CYP3A7: variants seen among roughly 807,000 people sequenced by gnomAD.
CYP3A7 encodes cytochrome P450 family 3 subfamily A member 7, also known as cytochrome P450 3A7.
CYP3A7 carries 45 observed loss-of-function variants against 55.2 expected under a neutral mutation model. The observed-to-expected ratio is 0.82, with a 90% confidence interval of 0.64 to 1.05. CYP3A7 has a LOEUF of 1.05. CYP3A7 is among the 50% of genes least tolerant of loss of function. The pLI is 0.00. For synonymous variants in CYP3A7, 180 were observed against 207.4 expected (o/e 0.87, Z 1.13); for missense variants, 548 against 605.3 (o/e 0.91, Z 0.99).
At position 99,725,494 on chromosome 7, in the gene CYP3A7, A is replaced by G. The variant is rs573758688; in HGVS notation, c.166-3146T>C. On this transcript the variant is annotated intron_variant, in intron 2 of 12. Transcript: ENST00000336374. ...ACAAAACCTTCAGAACATCCAAGCC[A>G]CAGCTCCCAGGGGCTCCTTCAAAAC... Among the ~76,000 whole-genome samples, 38 of 152,326 alleles carry G rather than the reference A, an allele frequency of 2.5e-4. 1 individual carries two copies. The South Asian group carries it at 7.7e-3, about 31-fold the overall frequency.
intron 11 of CYP3A7, among the ~76,000 whole-genome samples, chr7:99,708,390 T>C (rs1260201270): frequency 6.6e-6 from 1 of 152,122 alleles, no homozygotes; most frequent in East Asian, 1.9e-4. Context: ...TTCAAAATTG[T>C]TATTTTGCAC....
At chr7:99,725,749 C>T (rs1814386724) in intron 2 of CYP3A7, among the ~76,000 whole-genome samples, 1 of 152,196 alleles carries the variant, frequency 6.6e-6, no homozygotes, top group South Asian at 2.1e-4. Context: ...ACTGATGCTA[C>T]CCGATCACCT....
intron 9 of CYP3A7, among the ~76,000 whole-genome samples, chr7:99,711,710 G>T (rs182291057): frequency 6.6e-5 from 10 of 152,318 alleles, no homozygotes; most frequent in Admixed American, 1.3e-4. Context: ...TGAGGTTGTG[G>T]TGAGCTGAGA....
chr7:99,708,105 G>A, intron 11 of CYP3A7, 131 bp from the exon 12 acceptor site: 1 of 1,271,704 alleles, frequency 7.9e-7, no homozygotes, highest in Non-Finnish European at 1.1e-6. Context: ...GCTAGTCACT[G>A]AAATCCTGCT....
Position 99,709,477 on chromosome 7 carries a change from T to C in CYP3A7, c.1027-216A>G, listed in dbSNP as rs117779248. ...GAGGAGTTATGAAAGCAGGAGACATTCGGGAAGGCTCTAACCCCAATGACT... is the reference window on the plus strand; with the variant it reads ...GAGGAGTTATGAAAGCAGGAGACATCCGGGAAGGCTCTAACCCCAATGACT... On this transcript the variant is annotated intron_variant, in intron 10 of 12. Transcript: ENST00000336374. 1.5e-3 allele frequency among the ~76,000 whole-genome samples: 221 copies of C among 152,250 alleles called. 1 individual carries two copies. The highest frequency in any genetic ancestry group is 3.4e-3 in the Middle Eastern group (1 of 294).
At chr7:99,719,959 T>C (rs750245606) in intron 4 of CYP3A7, among the ~76,000 whole-genome samples, 6 of 152,178 alleles carry the variant, frequency 3.9e-5, no homozygotes, top group African/African-American at 4.8e-5. Context: ...ACCACACCAC[T>C]GTACTCCCAT....
At chr7:99,731,629 A>G (rs192526823) in intron 1 of CYP3A7, among the ~76,000 whole-genome samples, 193 of 152,316 alleles carry the variant, frequency 1.3e-3, no homozygotes, top group African/African-American at 4.4e-3. Context: ...CTGAGAGCCT[A>G]TGGTGACCCT....
chr7:99,735,082 G>A lies in CYP3A7; in HGVS notation c.12C>T (p.Ile4=). The change falls in exon 1 of 13, where the codon ATC becomes ATT. Residue 4 remains isoleucine, a synonymous_variant. Coordinates refer to ENST00000336374, the MANE Select transcript of CYP3A7 (RefSeq NM_000765.5). MDL[I]PNLAVETWLL... ...GCCAGGTTTCCACGGCCAAGTTTGG[G>A]ATGAGATCCATCACTACTTTCCTTC... is the stretch of plus-strand genomic sequence containing the variant. 6.2e-7 allele frequency: 1 copy of A among 1,614,060 alleles called. No homozygotes were observed. The highest frequency in any genetic ancestry group is 8.5e-7 in the Non-Finnish European group (1 of 1,179,950).
Position 99,713,650 on chromosome 7 carries a change from A to G in CYP3A7, c.799-115T>C. On this transcript the variant is annotated intron_variant, in intron 8 of 12. Coordinates refer to ENST00000336374, the MANE Select transcript of CYP3A7 (RefSeq NM_000765.5). Reference sequence around the variant, plus strand: ...GAATATAGCCCCTTGGAGACCAGAAATCTGATGGGTGTTGCCTGAGTCACC... The same window carrying G: ...GAATATAGCCCCTTGGAGACCAGAAGTCTGATGGGTGTTGCCTGAGTCACC... The G allele has an allele frequency of 2.1e-6, 3 of 1,401,292 alleles. No individual in the cohort carries two copies. The South Asian group carries it at 3.6e-5, about 17-fold the overall frequency. The allele number at this position is 1,401,292 out of a possible 1,614,324, so 86.8% of individuals were successfully genotyped here.
chr7:99,726,070 C>A (rs1183850310), intron 2 of CYP3A7, among the ~76,000 whole-genome samples: 1 of 152,160 alleles, frequency 6.6e-6, no homozygotes, highest in African/African-American at 2.4e-5. Flanking sequence ...TCTGACTATT[C>A]CTGGACTACA....
At chr7:99,710,624 A>G (rs1813711393) in intron 10 of CYP3A7, 108 bp downstream of exon 10, 1 of 1,574,212 alleles carries the variant, frequency 6.4e-7, no homozygotes, top group African/African-American at 1.4e-5. Flanking sequence ...ATTGTGAATG[A>G]AACAATCATG....
At chr7:99,724,935 G>A (rs1563026637) in intron 2 of CYP3A7, among the ~76,000 whole-genome samples, 2 of 152,116 alleles carry the variant, frequency 1.3e-5, no homozygotes, top group Non-Finnish European at 2.9e-5. Flanking sequence ...GAGCAGGAAA[G>A]AGTTGATACC....
In CYP3A7 at chr7:99,714,547, C is replaced by T. The variant is rs751611088; in HGVS notation, c.798+8G>A. On this transcript the variant is annotated splice_region_variant and intron_variant, in intron 8 of 12. Coordinates refer to ENST00000336374, the MANE Select transcript of CYP3A7 (RefSeq NM_000765.5). ...AAACATCCTCCTATAACTACCACCACGTTTTACCTTTTGTGTCTCTTTGAG... is the reference window on the plus strand; with the variant it reads ...AAACATCCTCCTATAACTACCACCATGTTTTACCTTTTGTGTCTCTTTGAG... The T allele has an allele frequency of 3.8e-5, 61 of 1,612,226 alleles. No homozygotes were observed. Among genetic ancestry groups the T allele is most frequent in the South Asian group, 2.3e-4 (21 of 91,004 alleles).
chr7:99,730,136 G>A (rs957227157), intron 2 of CYP3A7, among the ~76,000 whole-genome samples: 2 of 152,112 alleles, frequency 1.3e-5, no homozygotes, highest in Non-Finnish European at 2.9e-5. Context: ...CAGGGACCAG[G>A]CCCTGAACAC....
chr7:99,723,484 C>T lies in CYP3A7; in HGVS notation c.166-1136G>A, dbSNP rs757322857. Reference sequence around the variant, plus strand: ...CTATCTCCCTTTGCAGACTCCTTTTCGGACTCAGTCAGCCTGCACCCAGGT... The same window carrying T: ...CTATCTCCCTTTGCAGACTCCTTTTTGGACTCAGTCAGCCTGCACCCAGGT... On this transcript the variant is annotated intron_variant, in intron 2 of 12. Coordinates refer to ENST00000336374, the MANE Select transcript of CYP3A7 (RefSeq NM_000765.5). Among the ~76,000 whole-genome samples the T allele has an allele frequency of 4.6e-5, 7 of 152,276 alleles. No individual in the cohort carries two copies. The Middle Eastern group carries it at 0.01, about 222-fold the overall frequency.
chr7:99,734,626 CTT>C (rs559186958), intron 1 of CYP3A7, among the ~76,000 whole-genome samples: 5 of 140,848 alleles, frequency 3.5e-5, no homozygotes, highest in Non-Finnish European at 4.7e-5. Context: ...TTTTTTTTCT[CTT>C]TTTTTTTTTT....
intron 12 of CYP3A7, among the ~76,000 whole-genome samples, chr7:99,707,607 G>A (rs988737557): frequency 2.0e-5 from 3 of 152,166 alleles, no homozygotes; most frequent in Admixed American, 1.3e-4. Flanking sequence ...AGTCTACATT[G>A]ACATTGCATG....
chr7:99,727,585 C>T (rs1794113926), intron 2 of CYP3A7, among the ~76,000 whole-genome samples: 2 of 152,162 alleles, frequency 1.3e-5, no homozygotes, highest in South Asian at 2.1e-4. Flanking sequence ...CCCCATATTT[C>T]CTTCTTTCCT....
intron 2 of CYP3A7, among the ~76,000 whole-genome samples, chr7:99,725,953 A>G (rs371479639): frequency 1.4e-4 from 22 of 152,122 alleles, no homozygotes; most frequent in African/African-American, 5.3e-4. Context: ...AAACTCCCCA[A>G]CTTTGGTGCC....
Sources: gnomAD v4.1 joint callset for allele counts (sites outside exome capture counted in the v4.1 genomes callset) on GRCh38, gnomAD v4.1.1 for gene constraint, MANE v1.5 for transcripts, NCBI Gene and HGNC (gene_info 2026-07-23, HGNC 2026-07-21) for gene names.